MARCHF1: variants seen among roughly 807,000 people sequenced by gnomAD.
MARCHF1 encodes E3 ubiquitin-protein ligase MARCHF1.
In MARCHF1, 40 loss-of-function variants were observed where a neutral mutation model predicts 54.2. The observed-to-expected ratio is 0.74, with a 90% CI of 0.57 to 0.96. MARCHF1 has a LOEUF of 0.96. Among genes scored for constraint, MARCHF1 ranks in the 40% least tolerant of loss-of-function variants. MARCHF1 has a pLI of 0.00. For synonymous variants in MARCHF1, 236 were observed against 236.3 expected, an observed-to-expected ratio of 1.00 and a Z score of 0.01; for missense variants, 586 against 656.5, an observed-to-expected ratio of 0.89 and a Z score of 1.17.
rs368924681 is a variant in MARCHF1 at position 164,355,952 on chromosome 4, G to T, written c.-323+27918C>A. Among the ~76,000 whole-genome samples the T allele has an allele frequency of 2.6e-4, 31 of 120,048 alleles. 2 individuals are homozygous for T. The highest frequency in any genetic ancestry group is 8.1e-4 in the African/African-American group (28 of 34,514). The allele number at this position is 120,048 out of a possible 152,430, so 78.8% of individuals were successfully genotyped here. On this transcript the variant is annotated intron_variant, in intron 1 of 9. Transcript: ENST00000514618. ...CAAACAACCCCATCAAAAAGTGGGCGAAGGACATGAACAGACACTTCTCAA... is the reference window on the plus strand; with the variant it reads ...CAAACAACCCCATCAAAAAGTGGGCTAAGGACATGAACAGACACTTCTCAA...
intron 2 of MARCHF1, among the ~76,000 whole-genome samples, chr4:164,050,907 T>C (rs1217050166): frequency 1.3e-5 from 2 of 152,112 alleles, no homozygotes; most frequent in South Asian, 2.1e-4. Context: ...CACTCCAGCC[T>C]GGGCAACACA....
chr4:163,529,657 C>A (rs1191277612), intron 9 of MARCHF1: 1 of 152,006 alleles, frequency 6.6e-6, no homozygotes, highest in Non-Finnish European at 1.5e-5. Context: ...TTTCATAAAT[C>A]ATATTTTGTC....
At chr4:164,094,710 T>C (rs1378655437) in intron 2 of MARCHF1, among the ~76,000 whole-genome samples, 5 of 152,020 alleles carry the variant, frequency 3.3e-5, no homozygotes, top group African/African-American at 7.2e-5. Context: ...TTCAGGAAAA[T>C]TGAATTCAGA....
chr4:163,588,430 A>G (rs1291875858), intron 7 of MARCHF1, among the ~76,000 whole-genome samples: 1 of 152,204 alleles, frequency 6.6e-6, no homozygotes, highest in Middle Eastern at 3.2e-3. Context: ...CAGTCAACAA[A>G]ATATGACTTA....
At chr4:164,007,376 G>GA (rs1185305487) in intron 2 of MARCHF1, among the ~76,000 whole-genome samples, 15 of 114,720 alleles carry the variant, frequency 1.3e-4, no homozygotes, top group South Asian at 2.8e-4. Context: ...AAAAAAGAAA[G>GA]AAAAAAAAAG....
chr4:163,930,628 C>G (rs1751651374), intron 3 of MARCHF1, among the ~76,000 whole-genome samples: 1 of 152,022 alleles, frequency 6.6e-6, no homozygotes, highest in African/African-American at 2.4e-5. Context: ...TTTGAAAACA[C>G]AGAGTCTGTT....
intron 1 of MARCHF1, among the ~76,000 whole-genome samples, chr4:164,255,913 A>G (rs961809959): frequency 2.6e-5 from 4 of 152,136 alleles, no homozygotes; most frequent in African/African-American, 9.6e-5. Context: ...GCTTTGACTC[A>G]AATAAAGAAT....
Position 164,142,300 on chromosome 4 carries a change from C to T in MARCHF1, c.-322-30638G>A, listed in dbSNP as rs1412203930. ...AGGTAAACAAAGCAGCCTGGAAGCT[C>T]AAACTGGGTGGAGCCCACCACAGCT... On this transcript the variant is annotated intron_variant, in intron 1 of 9. Transcript: ENST00000514618. Among the ~76,000 whole-genome samples, 3 of 152,270 alleles carry T rather than the reference C, an allele frequency of 2.0e-5. 1 individual carries two copies. In the South Asian group the frequency reaches 6.2e-4, roughly 32 times the overall value.
rs1162041321 is a variant in MARCHF1 at position 163,612,998 on chromosome 4, A to G, written c.283T>C (p.Tyr95His). 4 of 1,521,152 alleles carry G rather than the reference A, an allele frequency of 2.6e-6. No homozygotes were observed. The highest frequency in any genetic ancestry group is 3.5e-6 in the Non-Finnish European group (4 of 1,142,094). 94.2% of individuals were successfully genotyped at this position (1,521,152 alleles called of 1,614,324 possible). The change falls in exon 7 of 10, where the codon TAT becomes CAT. Residue 95 changes from tyrosine to histidine, a missense_variant. By Grantham distance (83) the Tyr-to-His change is moderately conservative. Around this residue, in one of 3 missense-constraint regions of MARCHF1, gnomAD observed 387 missense variants for 394.6 expected, o/e 0.98. Transcript: ENST00000514618. ...CTCAGCACCATGACAGGGGTGCAAT[A>G]CTCAAATGACTCTTCTGACATGTCA... ...LHDMSEESFE[Y>H]CTPVMVLSPA...
chr4:164,203,083 T>C (rs1731500257), intron 1 of MARCHF1, among the ~76,000 whole-genome samples: 1 of 151,816 alleles, frequency 6.6e-6, no homozygotes, highest in Non-Finnish European at 1.5e-5. Flanking sequence ...ATATAGACAA[T>C]AGTAATGAAA....
At chr4:164,273,820 T>C (rs1329604029) in intron 1 of MARCHF1, among the ~76,000 whole-genome samples, 1 of 152,218 alleles carries the variant, frequency 6.6e-6, no homozygotes. Context: ...TTTCTGAAGA[T>C]GTCCTGGCTT....
intron 1 of MARCHF1, among the ~76,000 whole-genome samples, chr4:164,324,366 T>C (rs999516400): frequency 2.0e-5 from 3 of 151,806 alleles, no homozygotes; most frequent in African/African-American, 7.2e-5. Context: ...TAATTGGAAA[T>C]TGCACAGGGA....
In MARCHF1 at chr4:163,526,938, T is replaced by C. The variant is rs920048404; in HGVS notation, c.*1810A>G. ...CCACTACTAATATTTATACCATCTTTCTCCTCATTTAAAGGTTTGTTTTTT... is the reference window on the plus strand; with the variant it reads ...CCACTACTAATATTTATACCATCTTCCTCCTCATTTAAAGGTTTGTTTTTT... On this transcript the variant is annotated 3_prime_UTR_variant, in exon 10 of 10. Transcript: ENST00000514618. 4.6e-5 allele frequency: 7 copies of C among 151,670 alleles called. No homozygotes were observed. Among genetic ancestry groups the C allele is most frequent in the African/African-American group, 1.7e-4 (7 of 41,334 alleles). 9.4% of individuals were successfully genotyped at this position (151,670 alleles called of 1,614,324 possible). A position where few individuals can be genotyped will look rare whatever the true frequency, so the allele number is the denominator to read the frequency against.
At chr4:164,074,513 T>C (rs1325846276) in intron 2 of MARCHF1, among the ~76,000 whole-genome samples, 2 of 152,192 alleles carry the variant, frequency 1.3e-5, no homozygotes, top group African/African-American at 4.8e-5. Context: ...AGCATAAAAA[T>C]TCATCTAAAT....
intron 5 of MARCHF1, among the ~76,000 whole-genome samples, chr4:163,638,973 G>A (rs1742453182): frequency 6.6e-6 from 1 of 151,886 alleles, no homozygotes; most frequent in African/African-American, 2.4e-5. Flanking sequence ...ACTTACATAG[G>A]GTACCTAGAG....
rs538853992 is a variant in MARCHF1, at chr4:164,156,004, A to G, written c.-322-44342T>C. On this transcript the variant is annotated intron_variant, in intron 1 of 9. Coordinates refer to ENST00000514618, the MANE Select transcript of MARCHF1 (RefSeq NM_001394959.1). ...GGGGAAGTATCTACTTCTGTAATGA[A>G]AAACTATCAAAAGACTTAATGGACT... 2.0e-5 allele frequency among the ~76,000 whole-genome samples: 3 copies of G among 152,148 alleles called. No individual in the cohort carries two copies. In the South Asian group the frequency reaches 6.2e-4, roughly 32 times the overall value.
intron 2 of MARCHF1, among the ~76,000 whole-genome samples, chr4:164,075,519 C>G (rs1334579078): frequency 6.6e-6 from 1 of 152,186 alleles, no homozygotes; most frequent in Non-Finnish European, 1.5e-5. Flanking sequence ...ATCATGTCAG[C>G]TGAGGCCATC....
intron 9 of MARCHF1, among the ~76,000 whole-genome samples, chr4:163,529,396 A>C (rs1279013969): frequency 6.6e-6 from 1 of 152,066 alleles, no homozygotes; most frequent in Non-Finnish European, 1.5e-5. Flanking sequence ...CTTTTAAGGA[A>C]GGATGGTGAA....
At chr4:163,543,141 G>A (rs934572275) in intron 9 of MARCHF1, among the ~76,000 whole-genome samples, 4 of 152,170 alleles carry the variant, frequency 2.6e-5, no homozygotes, top group Non-Finnish European at 5.9e-5. Flanking sequence ...GGAATAGGAT[G>A]TGATTAGATT....
Sources: gnomAD v4.1 joint callset for allele counts (sites outside exome capture counted in the v4.1 genomes callset) on GRCh38, gnomAD v4.1.1 for gene constraint, gnomAD v4.1.1 regional missense constraint, MANE v1.5 for transcripts, NCBI Gene and HGNC (gene_info 2026-07-23, HGNC 2026-07-21) for gene names.